The following ST6GALNAC3 variants were observed in gnomAD, a reference collection of about 807,000 sequenced individuals.
The protein encoded by ST6GALNAC3 is ST6 N-acetylgalactosaminide alpha-2,6-sialyltransferase 3.
ST6GALNAC3 carries 25 observed loss-of-function variants against 32.7 expected under a neutral mutation model. The ratio of observed to expected loss-of-function variants is 0.76; its 90% confidence interval spans 0.56 to 1.07. The LOEUF (loss-of-function observed/expected upper bound fraction) is 1.07. Among genes scored for constraint, ST6GALNAC3 ranks in the 50% least tolerant of loss-of-function variants. ST6GALNAC3 has a pLI of 0.00. For missense variants in ST6GALNAC3, 355 were observed against 382.4 expected (o/e 0.93, Z 0.60); for synonymous variants, 129 against 133.1 (o/e 0.97, Z 0.21).
intron 2 of ST6GALNAC3, among the ~76,000 whole-genome samples, chr1:76,341,653 CTTT>C (rs1648017384): frequency 1.4e-5 from 2 of 144,146 alleles, no homozygotes; most frequent in African/African-American, 2.7e-5. Flanking sequence ...TTCTTTCTTT[CTTT>C]CTTTCTTTCT....
At chr1:76,394,156 A>C (rs1482619879) in intron 2 of ST6GALNAC3, among the ~76,000 whole-genome samples, 1 of 152,212 alleles carries the variant, frequency 6.6e-6, no homozygotes, top group East Asian at 1.9e-4. Context: ...TAAGAAACAG[A>C]TTCCAGAAGT....
Position 76,295,855 on chromosome 1 carries a change from A to T in ST6GALNAC3, c.19-17950A>T, listed in dbSNP as rs373630742. Among the ~76,000 whole-genome samples the T allele has an allele frequency of 2.2e-4, 33 of 152,200 alleles. No individual in the cohort carries two copies. The East Asian group carries it at 6.0e-3, about 28-fold the overall frequency. On this transcript the variant is annotated intron_variant, in intron 1 of 4. Transcript: ENST00000328299. Reference sequence around the variant, plus strand: ...TCTTAGTCTCAGCTTCCTGTCCGTGATGATAAGAATGTTGCTTTCTTTCTA... The same window carrying T: ...TCTTAGTCTCAGCTTCCTGTCCGTGTTGATAAGAATGTTGCTTTCTTTCTA...
intron 3 of ST6GALNAC3, among the ~76,000 whole-genome samples, chr1:76,520,453 A>G (rs912259200): frequency 1.3e-5 from 2 of 152,178 alleles, no homozygotes; most frequent in African/African-American, 4.8e-5. Context: ...TTGGCATAGT[A>G]TACACACACA....
chr1:76,355,401 C>T (rs1305778695), intron 2 of ST6GALNAC3, among the ~76,000 whole-genome samples: 3 of 152,046 alleles, frequency 2.0e-5, no homozygotes, highest in African/African-American at 7.2e-5. Context: ...TTCTCTTCTG[C>T]TTTGAGATGT....
intron 3 of ST6GALNAC3, among the ~76,000 whole-genome samples, chr1:76,456,290 A>G (rs984406212): frequency 5.9e-5 from 9 of 152,350 alleles, no homozygotes; most frequent in African/African-American, 2.2e-4. Flanking sequence ...CATATATGAC[A>G]GCTACACTGC....
chr1:76,368,119 G>T (rs1159415295), intron 2 of ST6GALNAC3, among the ~76,000 whole-genome samples: 5 of 151,772 alleles, frequency 3.3e-5, no homozygotes, highest in Non-Finnish European at 1.5e-5. Context: ...TTTCTGTGAA[G>T]ACCAGCTGGC....
rs544706795 is a variant in ST6GALNAC3, at chr1:76,520,706, G to A, written c.624-106746G>A. On this transcript the variant is annotated intron_variant, in intron 3 of 4. Coordinates refer to ENST00000328299, the MANE Select transcript of ST6GALNAC3 (RefSeq NM_152996.4). ...TTGAGATTTAGAATTGGTATATATCGTCCTGGTGGACGGACACCTTATCAC... is the reference window on the plus strand; with the variant it reads ...TTGAGATTTAGAATTGGTATATATCATCCTGGTGGACGGACACCTTATCAC... Among the ~76,000 whole-genome samples the A allele has an allele frequency of 3.3e-5, 5 of 151,888 alleles. No individual in the cohort carries two copies. The South Asian group carries it at 1.0e-3, about 32-fold the overall frequency.
chr1:76,488,460 C>T (rs1192919077), intron 3 of ST6GALNAC3, among the ~76,000 whole-genome samples: 1 of 152,180 alleles, frequency 6.6e-6, no homozygotes, highest in African/African-American at 2.4e-5. Flanking sequence ...ATTACCCAAT[C>T]TCAGGTATTT....
At chr1:76,309,990 G>A in intron 1 of ST6GALNAC3, 2 of 499,998 alleles carry the variant, frequency 4.0e-6, no homozygotes, top group Non-Finnish European at 4.0e-6. Flanking sequence ...ATACGTATGT[G>A]TTGCTGCACA....
downstream of ST6GALNAC3, among the ~76,000 whole-genome samples, chr1:76,635,082 T>C (rs570042168): frequency 4.7e-4 from 72 of 152,350 alleles, 1 homozygote; most frequent in African/African-American, 6.7e-4. Context: ...ATTAACTATC[T>C]GATGCTGACA....
chr1:76,165,171 C>T (rs1652042812), intron 1 of ST6GALNAC3, among the ~76,000 whole-genome samples: 1 of 152,132 alleles, frequency 6.6e-6, no homozygotes, highest in Admixed American at 6.6e-5. Flanking sequence ...CCTCCTCTCA[C>T]CTTCCTTCCT....
At chr1:76,360,264 C>A (rs1159050667) in intron 2 of ST6GALNAC3, among the ~76,000 whole-genome samples, 1 of 152,174 alleles carries the variant, frequency 6.6e-6, no homozygotes, top group Admixed American at 6.5e-5. Context: ...CATAAGTCTA[C>A]AACTTCAGCC....
At chr1:76,476,984 T>C (rs1330203460) in intron 3 of ST6GALNAC3, among the ~76,000 whole-genome samples, 2 of 152,110 alleles carry the variant, frequency 1.3e-5, no homozygotes, top group East Asian at 3.9e-4. Context: ...AGGAGTGAAA[T>C]ATCTTCCTGG....
rs1649312874 is a variant in ST6GALNAC3 at position 76,631,806 on chromosome 1, CATT to C, written c.*3004_*3006del. The stretch of plus-strand genomic sequence containing the variant: ...TTCAAGATAAAAATAATAGACTAAA[CATT>C]ATTTTCTGTTATGCATAATTCTATG... On this transcript the variant is annotated 3_prime_UTR_variant, in exon 5 of 5. Transcript: ENST00000328299. The C allele has an allele frequency of 6.6e-6, 1 of 151,886 alleles. No individual in the cohort carries two copies. Among genetic ancestry groups the C allele is most frequent in the Non-Finnish European group, 1.5e-5 (1 of 67,922 alleles). The allele number at this position is 151,886 out of a possible 1,614,324, so 9.4% of individuals were successfully genotyped here. A position where few individuals can be genotyped will look rare whatever the true frequency, so the allele number is the denominator to read the frequency against.
At chr1:76,523,776 A>G (rs1290468156) in intron 3 of ST6GALNAC3, among the ~76,000 whole-genome samples, 1 of 152,172 alleles carries the variant, frequency 6.6e-6, no homozygotes, top group Non-Finnish European at 1.5e-5. Flanking sequence ...AATATTTGGC[A>G]AATATTTTGA....
At chr1:76,375,527 A>T (rs1651153236) in intron 2 of ST6GALNAC3, among the ~76,000 whole-genome samples, 1 of 152,210 alleles carries the variant, frequency 6.6e-6, no homozygotes, top group African/African-American at 2.4e-5. Context: ...TACAAAGATA[A>T]AAAAGCATCT....
intron 1 of ST6GALNAC3, among the ~76,000 whole-genome samples, chr1:76,264,752 A>G (rs184052986): frequency 2.5e-4 from 38 of 152,308 alleles, no homozygotes; most frequent in Non-Finnish European, 4.9e-4. Flanking sequence ...TTGAATTAAT[A>G]GAGCCATTAA....
intron 2 of ST6GALNAC3, among the ~76,000 whole-genome samples, chr1:76,356,801 A>G (rs944582124): frequency 2.0e-5 from 3 of 152,166 alleles, no homozygotes; most frequent in African/African-American, 7.2e-5. Context: ...CGCAATGAGA[A>G]CTATTATAAT....
At chr1:76,439,950 T>C (rs1310170375) in intron 3 of ST6GALNAC3, among the ~76,000 whole-genome samples, 1 of 152,268 alleles carries the variant, frequency 6.6e-6, no homozygotes, top group African/African-American at 2.4e-5. Flanking sequence ...CATAGGATTG[T>C]AGTAAAGATT....
Sources: gnomAD v4.1 joint callset for allele counts (sites outside exome capture counted in the v4.1 genomes callset) on GRCh38, gnomAD v4.1.1 for gene constraint, MANE v1.5 for transcripts, NCBI Gene and HGNC (gene_info 2026-07-23, HGNC 2026-07-21) for gene names.